Variants in KANK4 observed in about 807,000 individuals in gnomAD.
KANK4 encodes the protein KN motif and ankyrin repeat domain-containing protein 4.
In KANK4, 50 loss-of-function variants were observed where a neutral mutation model predicts 80.8. The observed-to-expected ratio is 0.62, with a 90% CI of 0.49 to 0.78. The LOEUF (loss-of-function observed/expected upper bound fraction) is 0.78, where lower values mean the gene tolerates loss of function less well. Among genes scored for constraint, KANK4 ranks in the 30% least tolerant of loss-of-function variants. The probability of loss-of-function intolerance (pLI) is 0.00; values close to 1 mark genes in which losing one functional copy is unlikely to be tolerated. For missense variants in KANK4, 1,196 were observed against 1,240.1 expected, an observed-to-expected ratio of 0.96 and a Z score of 0.53; for synonymous variants, 465 against 506.9, an observed-to-expected ratio of 0.92 and a Z score of 1.11.
intron 6 of KANK4, among the ~76,000 whole-genome samples, chr1:62,266,311 C>T (rs902035268): frequency 5.0e-4 from 76 of 152,018 alleles, no homozygotes; most frequent in African/African-American, 1.8e-3. Flanking sequence ...ACACCACTGC[C>T]TCACACTGTG....
intron 1 of KANK4, among the ~76,000 whole-genome samples, chr1:62,304,075 A>T (rs1165058071): frequency 6.6e-6 from 1 of 151,880 alleles, no homozygotes; most frequent in Non-Finnish European, 1.5e-5. Flanking sequence ...GGGTTTCCGC[A>T]TGTTGGCCAG....
At position 62,274,893 on chromosome 1, in the gene KANK4, G is replaced by C. The variant is rs773572745; in HGVS notation, c.211C>G (p.Arg71Gly). 2 of 1,614,170 alleles carry C rather than the reference G, an allele frequency of 1.2e-6. No individual in the cohort carries two copies. Residue 71 changes from arginine (R) to glycine (G), a missense_variant, in exon 3 of 10, where the codon CGA becomes GGA. Arg to Gly is a moderately radical substitution (Grantham distance 125, BLOSUM62 -2). Coordinates refer to ENST00000371153, the MANE Select transcript of KANK4 (RefSeq NM_181712.5). The stretch of plus-strand genomic sequence containing the variant: ...CCACTGTCAGGAAGGCTGAAGTTTC[G>C]GGGCAGAGTGCTAAATTTGGCCTGC... ...AKQAKFSTLP[R>G]NFSLPDSGAR...
intron 9 of KANK4, among the ~76,000 whole-genome samples, chr1:62,239,368 C>G (rs928793130): frequency 6.6e-6 from 1 of 151,998 alleles, no homozygotes; most frequent in Non-Finnish European, 1.5e-5. Context: ...TGTAATATTC[C>G]ATAATTTACT....
intron 1 of KANK4, among the ~76,000 whole-genome samples, chr1:62,295,185 C>T (rs560466032): frequency 5.9e-5 from 9 of 151,728 alleles, no homozygotes; most frequent in African/African-American, 9.7e-5. Context: ...GTCGCCCAGG[C>T]GGGAGTGCAG....
At chr1:62,240,783 C>T (rs189290664) in intron 9 of KANK4, among the ~76,000 whole-genome samples, 5 of 152,286 alleles carry the variant, frequency 3.3e-5, no homozygotes, top group South Asian at 2.1e-4. Context: ...TACATTGACA[C>T]GGTGATGCAG....
intron 1 of KANK4, among the ~76,000 whole-genome samples, chr1:62,296,712 C>T (rs1481791152): frequency 5.3e-5 from 8 of 151,924 alleles, no homozygotes; most frequent in African/African-American, 1.2e-4. Flanking sequence ...CCACCATGCC[C>T]GGCTAATTTT....
chr1:62,290,775 C>A (rs1244295199), intron 1 of KANK4, among the ~76,000 whole-genome samples: 1 of 149,998 alleles, frequency 6.7e-6, no homozygotes, highest in East Asian at 1.9e-4. Flanking sequence ...GATGGAGTCT[C>A]ACTCTGTCGC....
At chr1:62,271,435 A>G in intron 4 of KANK4, 43 bp downstream of exon 4, 6 of 1,247,628 alleles carry the variant, frequency 4.8e-6, no homozygotes, top group Non-Finnish European at 7.1e-6. Flanking sequence ...ATAGCAGGAG[A>G]GGTAGCAAGA....
intron 7 of KANK4, among the ~76,000 whole-genome samples, chr1:62,262,652 T>C (rs1389664735): frequency 6.6e-6 from 1 of 152,136 alleles, no homozygotes; most frequent in African/African-American, 2.4e-5. Flanking sequence ...CAGACACACA[T>C]ACATACATTC....
intron 2 of KANK4, among the ~76,000 whole-genome samples, chr1:62,279,955 C>G (rs1477243217): frequency 6.6e-6 from 1 of 152,104 alleles, no homozygotes; most frequent in Non-Finnish European, 1.5e-5. Context: ...ACACAGTCAG[C>G]TTCAGAGTTA....
intron 7 of KANK4, 90 bp from the exon 8 acceptor site, chr1:62,253,299 G>A: frequency 1.6e-6 from 2 of 1,289,256 alleles, no homozygotes; most frequent in Non-Finnish European, 2.1e-6. Context: ...ACTGCTCGCT[G>A]GTTAGAAAGC....
chr1:62,251,306 G>C (rs1021350124), intron 8 of KANK4, among the ~76,000 whole-genome samples: 8 of 152,126 alleles, frequency 5.3e-5, no homozygotes, highest in African/African-American at 1.9e-4. Flanking sequence ...TTTGTCTCGG[G>C]CACAGAAGTC....
Position 62,273,748 on chromosome 1 carries a change from A to G in KANK4, c.1356T>C (p.Asn452=). 6.2e-7 allele frequency: 1 copy of G among 1,613,856 alleles called. No homozygotes were observed. The highest frequency in any genetic ancestry group is 8.5e-7 in the Non-Finnish European group (1 of 1,179,910). Residue 452 remains asparagine (N), a synonymous_variant, in exon 3 of 10, where the codon AAT becomes AAC. Coordinates refer to ENST00000371153, the MANE Select transcript of KANK4 (RefSeq NM_181712.5). ...GACCATCTGGCCCCCATAGGAGGCC[A>G]TTCTCCTCTCCTCGGTGCCCCCAGC... ...SESWGHRGEE[N]GLLWGPDGHK...
intron 7 of KANK4, among the ~76,000 whole-genome samples, chr1:62,255,571 C>T (rs946402588): frequency 6.6e-6 from 1 of 152,152 alleles, no homozygotes; most frequent in African/African-American, 2.4e-5. Context: ...AATCAAGTCA[C>T]TTAGCCTTTC....
chr1:62,314,769 G>T (rs1251937902), intron 1 of KANK4, among the ~76,000 whole-genome samples: 3 of 152,008 alleles, frequency 2.0e-5, no homozygotes, highest in African/African-American at 7.2e-5. Context: ...GAGAGTGATG[G>T]AACTGGGATT....
intron 1 of KANK4, among the ~76,000 whole-genome samples, chr1:62,311,377 G>A (rs182599677): frequency 8.6e-5 from 13 of 151,978 alleles, no homozygotes; most frequent in African/African-American, 1.7e-4. Flanking sequence ...GTCTTGGCAC[G>A]GTGTCTGGCA....
intron 1 of KANK4, among the ~76,000 whole-genome samples, chr1:62,293,462 A>G (rs1672727463): frequency 6.6e-6 from 1 of 152,208 alleles, no homozygotes; most frequent in African/African-American, 2.4e-5. Flanking sequence ...AAGGGTTTCT[A>G]AAAGAATAAA....
intron 9 of KANK4, among the ~76,000 whole-genome samples, chr1:62,244,667 C>T (rs146781814): frequency 3.7e-4 from 57 of 152,234 alleles, no homozygotes; most frequent in African/African-American, 1.3e-3. Context: ...ACTGTAAGTC[C>T]AATTAAACCT....
chr1:62,282,617 T>G (rs61776889), intron 1 of KANK4, among the ~76,000 whole-genome samples: 1 of 152,194 alleles, frequency 6.6e-6, no homozygotes, highest in Admixed American at 6.5e-5. Flanking sequence ...AACAAGTAAC[T>G]GGAGAAGAGG....
Sources: gnomAD v4.1 joint callset for allele counts (sites outside exome capture counted in the v4.1 genomes callset) on GRCh38, gnomAD v4.1.1 for gene constraint, MANE v1.5 for transcripts, NCBI Gene and HGNC (gene_info 2026-07-23, HGNC 2026-07-21) for gene names.